Variants in CTSB observed in about 807,000 individuals in gnomAD.
The protein encoded by CTSB is APP secretase.
In CTSB, 57 loss-of-function variants were observed where a neutral mutation model predicts 44.3. The observed-to-expected ratio is 1.29, with a 90% CI of 1.04 to 1.60. CTSB has a LOEUF of 1.60. Ranked by LOEUF, CTSB falls within the 40% of genes most tolerant of loss-of-function variation. The pLI is 0.00. For missense variants in CTSB, 768 were observed against 443.0 expected, an observed-to-expected ratio of 1.73 and a Z score of -6.59; for synonymous variants, 320 against 168.0, an observed-to-expected ratio of 1.91 and a Z score of -7.00.
rs772090473 is a variant in CTSB, at chr8:11,848,102, C to G, written c.497G>C (p.Gly166Ala). 1.2e-6 allele frequency: 2 copies of G among 1,614,112 alleles called. No homozygotes were observed. The highest frequency in any genetic ancestry group is 2.2e-5 in the South Asian group (2 of 91,082). ...TTCATAGAGGCCACCAGAAACCAGG[C>G]CTTTTCTTGTCCAGAAGTTCCAAGC... ...AEAWNFWTRK[G>A]LVSGGLYESH... Residue 166 changes from glycine (G) to alanine (A), a missense_variant, in exon 6 of 10, where the codon GGC (glycine) becomes GCC (alanine). Transcript: ENST00000353047.
At chr8:11,850,791 C>G in intron 4 of CTSB, 75 bp downstream of exon 4, 1 of 1,062,840 alleles carries the variant, frequency 9.4e-7, no homozygotes, top group Non-Finnish European at 1.4e-6. Context: ...TGTCCCCACC[C>G]CGAATCCCCC....
chr8:11,847,064 G>C lies in CTSB; in HGVS notation c.781C>G (p.Leu261Val). ...CATCAGCACGCACCTGACTTGTAGAGCAGGAAGTCCGAATACACAGAGAAA... is the reference window on the plus strand; with the variant it reads ...CATCAGCACGCACCTGACTTGTAGACCAGGAAGTCCGAATACACAGAGAAA... ...GAFSVYSDFL[L>V]YKSGVYQHVT... The change falls in exon 8 of 10, where the codon CTC (leucine) becomes GTC (valine). Residue 261 changes from leucine (L) to valine (V), a missense_variant. Leu to Val is a conservative substitution (Grantham distance 32). Coordinates refer to ENST00000353047, the MANE Select transcript of CTSB (RefSeq NM_001908.5). 1 of 1,594,756 alleles carries C rather than the reference G, an allele frequency of 6.3e-7. No homozygotes were observed. Among genetic ancestry groups the C allele is most frequent in the Non-Finnish European group, 8.6e-7 (1 of 1,162,520 alleles).
chr8:11,864,222 C>G (rs1486508951), intron 1 of CTSB, among the ~76,000 whole-genome samples: 1 of 144,556 alleles, frequency 6.9e-6, no homozygotes, highest in East Asian at 2.1e-4. Flanking sequence ...GTAATCCCAG[C>G]ATTTGGAAGG....
At position 11,844,725 on chromosome 8, in the gene CTSB, GAA is replaced by G. The variant is rs1748143010; in HGVS notation, c.*398_*399del. The G allele has an allele frequency of 5.8e-6, 1 of 173,124 alleles. No homozygotes were observed. Among genetic ancestry groups the G allele is most frequent in the Non-Finnish European group, 1.2e-5 (1 of 81,258 alleles). The allele number at this position is 173,124 out of a possible 1,614,324, so 10.7% of individuals were successfully genotyped here. On this transcript the variant is annotated 3_prime_UTR_variant, in exon 10 of 10. Transcript: ENST00000353047. The stretch of plus-strand genomic sequence containing the variant: ...TCCTCTGATTTCTGTGACAAATGTG[GAA>G]AGCTACTTGCTTGGAGGTACTGGGG...
chr8:11,862,924 A>G (rs1278853474), intron 1 of CTSB, among the ~76,000 whole-genome samples: 1 of 152,230 alleles, frequency 6.6e-6, no homozygotes, highest in African/African-American at 2.4e-5. Flanking sequence ...GATTATCTTG[A>G]TGACCAGACC....
rs923058388 is a variant in CTSB at position 11,859,671 on chromosome 8, G to A, written c.-25-6192C>T. Among the ~76,000 whole-genome samples, 4 of 149,690 alleles carry A rather than the reference G, an allele frequency of 2.7e-5. 1 individual carries two copies. The highest frequency in any genetic ancestry group is 5.9e-5 in the Non-Finnish European group (4 of 67,780). On this transcript the variant is annotated intron_variant, in intron 1 of 9. Coordinates refer to ENST00000353047, the MANE Select transcript of CTSB (RefSeq NM_001908.5). ...TAATCCCACCTACTTGGGAGGCTGAGGCAGGAGAATCACTTGAATCCAGGA... is the reference window on the plus strand; with the variant it reads ...TAATCCCACCTACTTGGGAGGCTGAAGCAGGAGAATCACTTGAATCCAGGA...
At chr8:11,856,825 CTT>C (rs1203088587) in intron 1 of CTSB, among the ~76,000 whole-genome samples, 5 of 148,558 alleles carry the variant, frequency 3.4e-5, no homozygotes, top group Admixed American at 1.4e-4. Flanking sequence ...GGTGGGGAGA[CTT>C]TTTTTCACAA....
intron 5 of CTSB, 184 bp from the exon 6 acceptor site, chr8:11,848,336 G>C (rs1563391556): frequency 1.5e-6 from 1 of 689,552 alleles, no homozygotes; most frequent in African/African-American, 1.8e-5. Context: ...ACAGCTTGCA[G>C]GGAATAACCG....
Position 11,847,823 on chromosome 8 carries a change from C to G in CTSB, c.533-1G>C. 5 of 1,589,696 alleles carry G rather than the reference C, an allele frequency of 3.1e-6. No homozygotes were observed. The highest frequency in any genetic ancestry group is 4.3e-6 in the Non-Finnish European group (5 of 1,173,034). Reference sequence around the variant, plus strand: ...GGAGGGATGGAGTACGGTCTGCACCCTGATGGGACGCGGGAGAAAGCGGAG... The same window carrying G: ...GGAGGGATGGAGTACGGTCTGCACCGTGATGGGACGCGGGAGAAAGCGGAG... On this transcript the variant is annotated splice_acceptor_variant, in intron 6 of 9. Transcript: ENST00000353047. LOFTEE classifies it high-confidence loss of function.
intron 8 of CTSB, among the ~76,000 whole-genome samples, chr8:11,846,834 T>G (rs1813447563): frequency 6.6e-6 from 1 of 152,004 alleles, no homozygotes; most frequent in Admixed American, 6.5e-5. Context: ...GAGAGGCCTC[T>G]GGAATTGTGT....
chr8:11,854,173 T>C (rs956216649), intron 1 of CTSB, among the ~76,000 whole-genome samples: 1 of 152,182 alleles, frequency 6.6e-6, no homozygotes, highest in Non-Finnish European at 1.5e-5. Flanking sequence ...CCCTCCTAAG[T>C]GAGCAGCTCA....
At position 11,868,082 on chromosome 8, in the gene CTSB, G is replaced by A. The variant is rs1190502552; in HGVS notation, c.-107C>T. The A allele has an allele frequency of 1.4e-4, 22 of 152,512 alleles. No individual in the cohort carries two copies. Among genetic ancestry groups the A allele is most frequent in the Non-Finnish European group, 1.6e-4 (11 of 68,430 alleles). 9.4% of individuals were successfully genotyped at this position (152,512 alleles called of 1,614,324 possible). ...TTGCCGGAGCGGTTGCCGGAGCCCT[G>A]CAGCCGCCGTAGCCTGGGCCAGCCC... is the stretch of plus-strand genomic sequence containing the variant. On this transcript the variant is annotated 5_prime_UTR_variant, in exon 1 of 10. Transcript: ENST00000353047.
chr8:11,848,352 C>G, intron 5 of CTSB, 200 bp from the exon 6 acceptor site: 1 of 680,716 alleles, frequency 1.5e-6, no homozygotes, highest in Non-Finnish European at 2.7e-6. Context: ...AACCGCCAGC[C>G]CCACCCCTGC....
At chr8:11,847,240 T>G in intron 7 of CTSB, 72 bp from the exon 8 acceptor site, 1 of 959,648 alleles carries the variant, frequency 1.0e-6, no homozygotes, top group Non-Finnish European at 1.7e-6. Context: ...GGTCAGCCAG[T>G]CACTGATTTC....
At chr8:11,856,432 G>T (rs1815521620) in intron 1 of CTSB, among the ~76,000 whole-genome samples, 1 of 152,152 alleles carries the variant, frequency 6.6e-6, no homozygotes, top group Non-Finnish European at 1.5e-5. Flanking sequence ...TGACTAAGGT[G>T]GTGAAACCCT....
rs185013983 is a variant in CTSB, at chr8:11,857,087, A to C, written c.-25-3608T>G. The stretch of plus-strand genomic sequence containing the variant: ...GGCACATGCTGGAGTACAGTGGCGC[A>C]ATCTTGGCTCACTGAAACCTCTACC... On this transcript the variant is annotated intron_variant, in intron 1 of 9. Transcript: ENST00000353047. 1.8e-3 allele frequency among the ~76,000 whole-genome samples: 275 copies of C among 152,244 alleles called. 4 individuals carry two copies. Among genetic ancestry groups the C allele is most frequent in the Non-Finnish European group, 1.8e-3 (123 of 68,022 alleles).
chr8:11,850,110 T>A (rs918720878), intron 4 of CTSB: 3 of 152,154 alleles, frequency 2.0e-5, no homozygotes, highest in Non-Finnish European at 4.4e-5. Context: ...ATGTACTTAA[T>A]GCTACAGAAC....
intron 5 of CTSB, chr8:11,848,816 G>A (rs988895597): frequency 8.8e-6 from 4 of 454,754 alleles, no homozygotes; most frequent in African/African-American, 4.0e-5. Context: ...GAAACTGACT[G>A]TTTTGCTGGG....
At position 11,853,447 on chromosome 8, in the gene CTSB, T is replaced by A; in HGVS notation, c.8A>T (p.Gln3Leu). Reference sequence around the variant, plus strand: ...CAGGCAGCAGAGGGAGGCCCAGAGCTGCCACATGTTGGAAGCCGGATCCTA... The same window carrying A: ...CAGGCAGCAGAGGGAGGCCCAGAGCAGCCACATGTTGGAAGCCGGATCCTA... MW[Q>L]LWASLCCLLV... Residue 3 changes from glutamine (Q) to leucine (L), a missense_variant, in exon 2 of 10, where the codon CAG becomes CTG. Coordinates refer to ENST00000353047, the MANE Select transcript of CTSB (RefSeq NM_001908.5). 1 of 1,611,546 alleles carries A rather than the reference T, an allele frequency of 6.2e-7. No individual in the cohort carries two copies. Among genetic ancestry groups the A allele is most frequent in the Non-Finnish European group, 8.5e-7 (1 of 1,179,430 alleles).
Sources: allele counts gnomAD v4.1 joint callset (sites outside exome capture counted in the v4.1 genomes callset), GRCh38; gene constraint gnomAD v4.1.1; transcripts MANE v1.5; gene names NCBI Gene and HGNC (gene_info 2026-07-23, HGNC 2026-07-21).